The following TNR variants were observed in gnomAD, a reference collection of about 807,000 sequenced individuals.
TNR encodes the protein tenascin-R.
Under a neutral mutation model 150.4 loss-of-function variants are expected in TNR, and 45 were observed. That is an observed-to-expected ratio of 0.30 (90% confidence interval 0.24 to 0.38). TNR has a LOEUF of 0.38. TNR is among the 10% of genes least tolerant of loss of function. The pLI, the probability that TNR is intolerant of heterozygous loss-of-function variation, is 1.00. For synonymous variants in TNR, 687 were observed against 678.4 expected (o/e 1.01, Z -0.20); for missense variants, 1,544 against 1,759.1 (o/e 0.88, Z 2.19).
intron 1 of TNR, among the ~76,000 whole-genome samples, chr1:175,733,145 G>A (rs958943265): frequency 5.9e-5 from 9 of 152,180 alleles, no homozygotes; most frequent in Non-Finnish European, 1.2e-4. Context: ...TTTGCCACTG[G>A]CAAATAATCT....
At chr1:175,353,769 G>A (rs1651179402) in intron 18 of TNR, among the ~76,000 whole-genome samples, 2 of 152,184 alleles carry the variant, frequency 1.3e-5, no homozygotes, top group Non-Finnish European at 2.9e-5. Flanking sequence ...AGAGGAAGGA[G>A]GAAGAGAAAG....
chr1:175,318,072 C>A lies in TNR; in HGVS notation c.*5285G>T, dbSNP rs548428630. The A allele has an allele frequency of 2.6e-5, 4 of 152,350 alleles. No individual in the cohort carries two copies. Among genetic ancestry groups the A allele is most frequent in the African/African-American group, 9.6e-5 (4 of 41,578 alleles). 9.4% of individuals were successfully genotyped at this position (152,350 alleles called of 1,614,324 possible). A position where few individuals can be genotyped will look rare whatever the true frequency, so the allele number is the denominator to read the frequency against. On this transcript the variant is annotated 3_prime_UTR_variant, in exon 23 of 23. Transcript: ENST00000367674. ...ACTACTGGTGACGCAAAAGTCAGAT[C>A]CAGGCAGAACTGGTTGAGCAAAGAA... is the stretch of plus-strand genomic sequence containing the variant.
At chr1:175,493,061 A>G (rs1009103424) in intron 2 of TNR, among the ~76,000 whole-genome samples, 1 of 152,018 alleles carries the variant, frequency 6.6e-6, no homozygotes, top group African/African-American at 2.4e-5. Flanking sequence ...CCTGTGACAC[A>G]TTATTCTCTG....
chr1:175,579,908 T>C (rs1034663073), intron 1 of TNR, among the ~76,000 whole-genome samples: 1 of 151,998 alleles, frequency 6.6e-6, no homozygotes, highest in Non-Finnish European at 1.5e-5. Flanking sequence ...GTGGCTTCAG[T>C]TTTTAAGGAG....
chr1:175,446,699 CA>C (rs905528273), intron 2 of TNR, among the ~76,000 whole-genome samples: 22 of 151,800 alleles, frequency 1.4e-4, no homozygotes, highest in African/African-American at 4.6e-4. Context: ...AAAAGCAAAA[CA>C]AAAAAAATCT....
intron 16 of TNR, 97 bp from the exon 17 acceptor site, chr1:175,355,730 T>G: frequency 7.2e-6 from 11 of 1,536,672 alleles, no homozygotes; most frequent in Non-Finnish European, 9.7e-6. Flanking sequence ...CTCTTTGGTC[T>G]CAGGATTGCT....
At chr1:175,431,936 C>CCTTCTCTCTCTCTCTCTCTCTCTCTCT (rs1655289440) in intron 2 of TNR, among the ~76,000 whole-genome samples, 1 of 52,354 alleles carries the variant, frequency 1.9e-5, no homozygotes, top group Admixed American at 1.4e-4. Context: ...TCTCTCTCTC[C>CCTTCTCTCTCTCTCTCTCTCTCTCTCT]CTCTGTCTCT....
intron 20 of TNR, among the ~76,000 whole-genome samples, chr1:175,331,862 G>T (rs534719003): frequency 1.3e-5 from 2 of 152,196 alleles, no homozygotes; most frequent in Non-Finnish European, 1.5e-5. Context: ...TCCAAGAGAG[G>T]TGAAATGATT....
chr1:175,514,168 A>C (rs1659309504), intron 2 of TNR, among the ~76,000 whole-genome samples: 1 of 152,240 alleles, frequency 6.6e-6, no homozygotes, highest in Non-Finnish European at 1.5e-5. Flanking sequence ...AACCTGATGA[A>C]CTGGGTATTC....
chr1:175,602,568 C>A (rs372149078), intron 1 of TNR, among the ~76,000 whole-genome samples: 1 of 152,216 alleles, frequency 6.6e-6, no homozygotes. Flanking sequence ...CTTGAATTTA[C>A]GGACACTGCA....
At chr1:175,358,847 C>T (rs540305989) in intron 15 of TNR, among the ~76,000 whole-genome samples, 4 of 152,312 alleles carry the variant, frequency 2.6e-5, no homozygotes, top group South Asian at 2.1e-4. Context: ...GACAAAAACA[C>T]GGAAGAGTTT....
intron 1 of TNR, among the ~76,000 whole-genome samples, chr1:175,564,127 G>A (rs1661542802): frequency 6.6e-6 from 1 of 152,228 alleles, no homozygotes. Flanking sequence ...GCATCAACAA[G>A]CCAAATTGCA....
intron 2 of TNR, among the ~76,000 whole-genome samples, chr1:175,468,849 A>G (rs1657148978): frequency 6.6e-6 from 1 of 152,076 alleles, no homozygotes; most frequent in Non-Finnish European, 1.5e-5. Context: ...GTAGTAAAAG[A>G]GAATTTCTGA....
At chr1:175,529,189 C>G (rs186486324) in intron 1 of TNR, among the ~76,000 whole-genome samples, 1 of 152,274 alleles carries the variant, frequency 6.6e-6, no homozygotes, top group East Asian at 1.9e-4. Flanking sequence ...TCTCACAAAC[C>G]CTGCTAAGCC....
chr1:175,404,417 C>G (rs2102046496), intron 3 of TNR, among the ~76,000 whole-genome samples: 1 of 152,306 alleles, frequency 6.6e-6, no homozygotes, highest in East Asian at 1.9e-4. Flanking sequence ...TTTGCTATGA[C>G]CCCTCTGGGA....
chr1:175,694,682 G>A (rs1488277699), intron 1 of TNR, among the ~76,000 whole-genome samples: 1 of 152,174 alleles, frequency 6.6e-6, no homozygotes, highest in Non-Finnish European at 1.5e-5. Flanking sequence ...ACTTTAATGA[G>A]ACAATTAAGT....
intron 1 of TNR, among the ~76,000 whole-genome samples, chr1:175,577,412 G>A (rs1263354672): frequency 6.6e-6 from 1 of 152,136 alleles, no homozygotes; most frequent in Non-Finnish European, 1.5e-5. Flanking sequence ...GGGCCATGAC[G>A]GTTCCATTTC....
Position 175,362,736 on chromosome 1 carries a change from G to C in TNR, c.2781C>G (p.Thr927=), listed in dbSNP as rs138173384. The C allele has an allele frequency of 5.0e-6, 8 of 1,614,098 alleles. No individual in the cohort carries two copies. The Admixed American group carries it at 5.0e-5, about 10-fold the overall frequency. The change falls in exon 14 of 23, where the codon ACC becomes ACG. Residue 927 remains threonine (T), a synonymous_variant. Coordinates refer to ENST00000367674, the MANE Select transcript of TNR (RefSeq NM_003285.3). ...CGCTGTTGAGGCTGATTTCGTATTC[G>C]GTAGCTGGGTTCAGTCTGGTGATGG... The part of the protein sequence containing the change: ...EFTITRLNPA[T]EYEISLNSVR...
chr1:175,713,941 TTATGTTTCTACC>T (rs1287072197), intron 1 of TNR, among the ~76,000 whole-genome samples: 1 of 152,130 alleles, frequency 6.6e-6, no homozygotes, highest in Non-Finnish European at 1.5e-5. Context: ...TAAATGTGCT[TTATGTTTCTACC>T]TACACCCTCT....
Sources: allele counts gnomAD v4.1 joint callset (sites outside exome capture counted in the v4.1 genomes callset), GRCh38; gene constraint gnomAD v4.1.1; transcripts MANE v1.5; gene names NCBI Gene and HGNC (gene_info 2026-07-23, HGNC 2026-07-21).